PPP1R12A: variants seen among roughly 807,000 people sequenced by gnomAD.
PPP1R12A encodes the protein protein phosphatase 1 regulatory subunit 12A.
In PPP1R12A, 19 loss-of-function variants were observed where a neutral mutation model predicts 139.6. That is an observed-to-expected ratio of 0.14 (90% CI 0.09 to 0.20). PPP1R12A has a LOEUF of 0.20. Ranked by LOEUF, PPP1R12A falls within the 10% of genes least tolerant of loss-of-function variation. The pLI is 1.00. For missense variants in PPP1R12A, 925 were observed against 1,211.5 expected (o/e 0.76, Z 3.51); for synonymous variants, 427 against 420.6 (o/e 1.02, Z -0.19).
At chr12:79,841,743 C>A (rs1272248259) in intron 3 of PPP1R12A, among the ~76,000 whole-genome samples, 2 of 152,154 alleles carry the variant, frequency 1.3e-5, no homozygotes, top group Non-Finnish European at 2.9e-5. Context: ...CTCATCACAG[C>A]AAAATGGGCA....
intron 21 of PPP1R12A, chr12:79,787,048 T>G (rs887925646): frequency 1.3e-5 from 2 of 152,282 alleles, no homozygotes; most frequent in African/African-American, 4.8e-5. Context: ...ATCCCTGCTT[T>G]ACTACTTCCA....
At chr12:79,777,344 G>A in intron 24 of PPP1R12A, 1 of 981,448 alleles carries the variant, frequency 1.0e-6, no homozygotes, top group Non-Finnish European at 1.2e-6. Context: ...CTCATCAATT[G>A]CAATATACAA....
intron 2 of PPP1R12A, among the ~76,000 whole-genome samples, chr12:79,856,782 G>A (rs1011722499): frequency 1.3e-5 from 2 of 152,158 alleles, no homozygotes; most frequent in Non-Finnish European, 2.9e-5. Flanking sequence ...TTTTGCATAT[G>A]ACAGGCATTA....
chr12:79,831,577 G>T (rs1270223281), intron 4 of PPP1R12A, among the ~76,000 whole-genome samples: 1 of 152,068 alleles, frequency 6.6e-6, no homozygotes, highest in Non-Finnish European at 1.5e-5. Flanking sequence ...CTAATGAGTG[G>T]GAATAAGAAA....
intron 1 of PPP1R12A, among the ~76,000 whole-genome samples, chr12:79,922,019 G>A (rs1887476638): frequency 6.6e-6 from 1 of 152,226 alleles, no homozygotes; most frequent in Non-Finnish European, 1.5e-5. Context: ...GGGATGCCAA[G>A]GCAGGAGGAT....
intron 3 of PPP1R12A, among the ~76,000 whole-genome samples, chr12:79,833,818 C>T (rs919466168): frequency 3.0e-5 from 4 of 131,614 alleles, no homozygotes; most frequent in African/African-American, 5.7e-5. Context: ...GCCTGGGCAA[C>T]GGAGTGAGAC....
At chr12:79,918,420 T>G (rs543115959) in intron 1 of PPP1R12A, among the ~76,000 whole-genome samples, 2 of 152,322 alleles carry the variant, frequency 1.3e-5, no homozygotes, top group African/African-American at 4.8e-5. Flanking sequence ...CTTGTTTACT[T>G]GACTGTCTCC....
In PPP1R12A at chr12:79,775,738, AAACC is replaced by A; in HGVS notation, c.*187_*190del. The A allele has an allele frequency of 2.4e-6, 1 of 408,532 alleles. No individual in the cohort carries two copies. 25.3% of individuals were successfully genotyped at this position (408,532 alleles called of 1,614,324 possible). A position where few individuals can be genotyped will look rare whatever the true frequency, so the allele number is the denominator to read the frequency against. ...TGATTAAAAAAAAAAAACAAAAAAC[AAACC>A]AACAACAACAAAAACACCCCAGAAA... On this transcript the variant is annotated 3_prime_UTR_variant, in exon 25 of 25. Transcript: ENST00000450142.
At chr12:79,804,665 A>G (rs539113028) in intron 14 of PPP1R12A, among the ~76,000 whole-genome samples, 2 of 152,170 alleles carry the variant, frequency 1.3e-5, no homozygotes, top group South Asian at 2.1e-4. Context: ...AATTAGTTAC[A>G]TAGTTCATTT....
At position 79,774,529 on chromosome 12, in the gene PPP1R12A, C is replaced by T. The variant is rs1337955903; in HGVS notation, c.*1400G>A. ...AGTGGTTAAGGAGACAGTTATGTGCCAGAAAGATGTAGTATTTTTTGCATG... is the reference window on the plus strand; with the variant it reads ...AGTGGTTAAGGAGACAGTTATGTGCTAGAAAGATGTAGTATTTTTTGCATG... On this transcript the variant is annotated 3_prime_UTR_variant, in exon 25 of 25. Transcript: ENST00000450142. 1.3e-5 allele frequency: 2 copies of T among 151,928 alleles called. No homozygotes were observed. The highest frequency in any genetic ancestry group is 2.9e-5 in the Non-Finnish European group (2 of 67,896). The allele number at this position is 151,928 out of a possible 1,614,324, so 9.4% of individuals were successfully genotyped here. A position where few individuals can be genotyped will look rare whatever the true frequency, so the allele number is the denominator to read the frequency against.
chr12:79,889,333 C>T lies in PPP1R12A; in HGVS notation c.238-16395G>A, dbSNP rs75482291. Among the ~76,000 whole-genome samples, 1,322 of 152,218 alleles carry T rather than the reference C, an allele frequency of 8.7e-3. 20 individuals carry two copies. Among genetic ancestry groups the T allele is most frequent in the African/African-American group, 0.031 (1,271 of 41,538 alleles). ...CAGCAAGGAATGGCCTACATAGTAA[C>T]ATGCAGAAGAGAAAGCTGATGGGCT... is the stretch of plus-strand genomic sequence containing the variant. On this transcript the variant is annotated intron_variant, in intron 1 of 24. Transcript: ENST00000450142.
chr12:79,898,294 C>A (rs2137457340), intron 1 of PPP1R12A, among the ~76,000 whole-genome samples: 1 of 152,132 alleles, frequency 6.6e-6, no homozygotes, highest in Admixed American at 6.5e-5. Flanking sequence ...TACTAAAATA[C>A]AAAAAGAAAA....
chr12:79,847,745 G>C (rs1879574338), intron 2 of PPP1R12A, among the ~76,000 whole-genome samples: 1 of 152,200 alleles, frequency 6.6e-6, no homozygotes, highest in East Asian at 1.9e-4. Flanking sequence ...AGGATTAATA[G>C]GAAAAATGGA....
chr12:79,845,045 G>A (rs775147539), intron 3 of PPP1R12A, among the ~76,000 whole-genome samples: 2 of 152,018 alleles, frequency 1.3e-5, no homozygotes, highest in Non-Finnish European at 2.9e-5. Flanking sequence ...ACTTTATTTT[G>A]CTCCAAAACT....
Position 79,781,850 on chromosome 12 carries a change from A to C in PPP1R12A, c.2920T>G (p.Phe974Val). Residue 974 changes from phenylalanine to valine, a missense_variant, in exon 23 of 25, where the codon TTT becomes GTT. Coordinates refer to ENST00000450142, the MANE Select transcript of PPP1R12A (RefSeq NM_002480.3). ...LEKATQRQER[F>V]ADRSLLEMEK... ...ATTTCCAACAGTGATCTATCAGCAA[A>C]TCTTTCTTGTCTCTGCAACAAAGTA... 6.5e-7 allele frequency: 1 copy of C among 1,543,786 alleles called. No homozygotes were observed.
At chr12:79,912,463 G>A (rs535098057) in intron 1 of PPP1R12A, among the ~76,000 whole-genome samples, 3 of 152,160 alleles carry the variant, frequency 2.0e-5, no homozygotes, top group African/African-American at 7.2e-5. Context: ...AGGCCAAGGC[G>A]GGAGGATCGC....
At chr12:79,850,291 T>G (rs1318723796) in intron 2 of PPP1R12A, among the ~76,000 whole-genome samples, 2 of 152,094 alleles carry the variant, frequency 1.3e-5, no homozygotes, top group Admixed American at 1.3e-4. Flanking sequence ...CTGGAAAATC[T>G]AACAAAAGGT....
At chr12:79,831,531 TG>T (rs35560711) in intron 4 of PPP1R12A, among the ~76,000 whole-genome samples, 1 of 152,106 alleles carries the variant, frequency 6.6e-6, no homozygotes, top group African/African-American at 2.4e-5. Flanking sequence ...GGAGGAAACT[TG>T]GGAAAGGTGA....
intron 2 of PPP1R12A, among the ~76,000 whole-genome samples, chr12:79,850,180 C>T (rs1405558368): frequency 6.6e-6 from 1 of 152,114 alleles, no homozygotes; most frequent in African/African-American, 2.4e-5. Flanking sequence ...ATTTATAATA[C>T]TCTAGAAACT....
Sources: allele counts gnomAD v4.1 joint callset (sites outside exome capture counted in the v4.1 genomes callset), GRCh38; gene constraint gnomAD v4.1.1; transcripts MANE v1.5; gene names NCBI Gene and HGNC (gene_info 2026-07-23, HGNC 2026-07-21).